The following PNPLA8 variants were observed in gnomAD, a reference collection of about 807,000 sequenced individuals.
PNPLA8 encodes patatin like domain 8, phospholipase A2.
In PNPLA8, 39 loss-of-function variants were observed where a neutral mutation model predicts 76.9. The observed-to-expected ratio is 0.51, with a 90% confidence interval of 0.39 to 0.66. The LOEUF (loss-of-function observed/expected upper bound fraction) is 0.66. Among genes scored for constraint, PNPLA8 ranks in the 30% least tolerant of loss-of-function variants. The pLI is 0.00. For missense variants in PNPLA8, 887 were observed against 918.0 expected, an observed-to-expected ratio of 0.97 and a Z score of 0.44; for synonymous variants, 301 against 307.9, an observed-to-expected ratio of 0.98 and a Z score of 0.24.
At chr7:108,481,128 T>C (rs748375967) in intron 9 of PNPLA8, among the ~76,000 whole-genome samples, 2 of 152,224 alleles carry the variant, frequency 1.3e-5, no homozygotes, top group Non-Finnish European at 2.9e-5. Flanking sequence ...ACCTCTGGGT[T>C]GTTTCCAGCA....
intron 5 of PNPLA8, 141 bp from the exon 6 acceptor site, chr7:108,497,718 A>C (rs1372253413): frequency 4.4e-6 from 2 of 452,562 alleles, no homozygotes; most frequent in Non-Finnish European, 3.8e-6. Flanking sequence ...AAATCAGTAA[A>C]AATTGCCTGT....
intron 1 of PNPLA8, among the ~76,000 whole-genome samples, chr7:108,523,893 C>T: frequency 6.6e-6 from 1 of 152,174 alleles, no homozygotes; most frequent in East Asian, 1.9e-4. Context: ...AAACACAGGA[C>T]TTGACAGCCA....
chr7:108,523,692 A>C (rs1294940206), intron 1 of PNPLA8, among the ~76,000 whole-genome samples: 1 of 152,128 alleles, frequency 6.6e-6, no homozygotes, highest in South Asian at 2.1e-4. Flanking sequence ...CTTCTGCAGC[A>C]CTCTTTCTAT....
At chr7:108,486,566 C>A (rs1860751316) in intron 9 of PNPLA8, among the ~76,000 whole-genome samples, 2 of 151,948 alleles carry the variant, frequency 1.3e-5, no homozygotes, top group African/African-American at 2.4e-5. Flanking sequence ...ATGGTTTGAA[C>A]TGACTCCAAA....
intron 9 of PNPLA8, among the ~76,000 whole-genome samples, chr7:108,483,141 T>C (rs1038732852): frequency 6.6e-6 from 1 of 152,248 alleles, no homozygotes; most frequent in African/African-American, 2.4e-5. Context: ...GTTGGATCAA[T>C]AAGATCACAT....
rs558110727 is a variant in PNPLA8 at position 108,471,344 on chromosome 7, A to C, written c.*1057T>G. 57 of 151,170 alleles carry C rather than the reference A, an allele frequency of 3.8e-4. 1 individual carries two copies. Among genetic ancestry groups the C allele is most frequent in the African/African-American group, 1.4e-3 (56 of 41,094 alleles). 9.4% of individuals were successfully genotyped at this position (151,170 alleles called of 1,614,324 possible). On this transcript the variant is annotated 3_prime_UTR_variant, in exon 11 of 11. Transcript: ENST00000257694. ...ATTCTCCTGCCTTAGCCTCCCGAGT[A>C]GCTGGGACTATAGGTGTGCACCACC...
chr7:108,474,701 G>A (rs962402394), intron 10 of PNPLA8, among the ~76,000 whole-genome samples: 1 of 152,122 alleles, frequency 6.6e-6, no homozygotes, highest in African/African-American at 2.4e-5. Context: ...CTTTCCCACT[G>A]AGTTACCTTA....
chr7:108,486,523 A>C (rs974177003), intron 9 of PNPLA8, among the ~76,000 whole-genome samples: 3 of 152,258 alleles, frequency 2.0e-5, no homozygotes, highest in African/African-American at 7.2e-5. Context: ...TGCCTTAAAT[A>C]ATTCAACAAT....
chr7:108,499,181 A>C (rs1254703925), intron 5 of PNPLA8, among the ~76,000 whole-genome samples: 3 of 152,222 alleles, frequency 2.0e-5, no homozygotes, highest in Non-Finnish European at 2.9e-5. Context: ...GTATATGTTC[A>C]CACAGAAAAA....
At chr7:108,506,976 C>G (rs1374919599) in intron 4 of PNPLA8, among the ~76,000 whole-genome samples, 5 of 151,868 alleles carry the variant, frequency 3.3e-5, no homozygotes, top group Non-Finnish European at 7.4e-5. Context: ...TTAATAAACC[C>G]AAAGGATGTA....
At position 108,479,310 on chromosome 7, in the gene PNPLA8, C is replaced by T. The variant is rs556854539; in HGVS notation, c.1948G>A (p.Val650Met). The stretch of plus-strand genomic sequence containing the variant: ...AGGGATACTATGCACTCTAACGGCA[C>T]ATCTGGCCAAAGACATTTACACTCA... Reference protein sequence around the residue: ...MHECKCLWPDVPLECIVSLGT... With the variant: ...MHECKCLWPDMPLECIVSLGT... The change falls in exon 10 of 11, where the codon GTG becomes ATG. Residue 650 changes from valine to methionine, a missense_variant. Val to Met is a conservative substitution (Grantham distance 21, BLOSUM62 1). Coordinates refer to ENST00000257694, the MANE Select transcript of PNPLA8 (RefSeq NM_001256007.3). 3 of 1,613,348 alleles carry T rather than the reference C, an allele frequency of 1.9e-6. No individual in the cohort carries two copies. The highest frequency in any genetic ancestry group is 2.2e-5 in the South Asian group (2 of 91,076).
intron 5 of PNPLA8, among the ~76,000 whole-genome samples, chr7:108,501,606 T>C (rs1449375325): frequency 6.6e-6 from 1 of 152,130 alleles, no homozygotes; most frequent in East Asian, 1.9e-4. Flanking sequence ...GTGGTTTACC[T>C]GAGGTCAGGA....
chr7:108,520,541 G>C (rs1863661917), intron 2 of PNPLA8, among the ~76,000 whole-genome samples: 1 of 152,106 alleles, frequency 6.6e-6, no homozygotes, highest in Admixed American at 6.6e-5. Context: ...TAGTACAGTA[G>C]GGGGACTATA....
At chr7:108,507,178 A>G (rs2154516247) in intron 4 of PNPLA8, among the ~76,000 whole-genome samples, 1 of 151,892 alleles carries the variant, frequency 6.6e-6, no homozygotes, top group Admixed American at 6.6e-5. Context: ...CCCCATCGCT[A>G]CTAAAGATAC....
chr7:108,502,386 T>C (rs1392442511), intron 5 of PNPLA8, 105 bp downstream of exon 5: 1 of 907,874 alleles, frequency 1.1e-6, no homozygotes, highest in Non-Finnish European at 1.6e-6. Context: ...GAGGTTGCAG[T>C]GAGCTGAGAT....
In PNPLA8 at chr7:108,515,420, C is replaced by G. The variant is rs1863265760; in HGVS notation, c.72G>C (p.Gln24His). ...LSNARSVCGK[Q>H]RSKQLYFLFS... is the part of the protein sequence containing the mutation. ...ACAAGAAATACAGTTGCTTGCTTCT[C>G]TGCTTCCCACAAACACTTCTTGCAT... is the stretch of plus-strand genomic sequence containing the variant. The change falls in exon 3 of 11, where the codon CAG (glutamine) becomes CAC (histidine). Residue 24 changes from glutamine to histidine, a missense_variant. Physicochemically the swap from Gln to His is conservative, Grantham distance 24 (BLOSUM62 0). Transcript: ENST00000257694. 2.5e-6 allele frequency: 4 copies of G among 1,609,668 alleles called. No individual in the cohort carries two copies. The highest frequency in any genetic ancestry group is 1.7e-4 in the Middle Eastern group (1 of 6,042).
At chr7:108,505,336 A>T (rs1563967910) in intron 4 of PNPLA8, among the ~76,000 whole-genome samples, 1 of 5,208 alleles carries the variant, frequency 1.9e-4, no homozygotes, top group East Asian at 0.016. Flanking sequence ...ATATATATAT[A>T]TATATATATA....
chr7:108,524,840 T>G (rs1052311173), intron 1 of PNPLA8, among the ~76,000 whole-genome samples: 1 of 152,120 alleles, frequency 6.6e-6, no homozygotes, highest in Non-Finnish European at 1.5e-5. Flanking sequence ...AAGGTGTCTA[T>G]GGCTCAGCAT....
intron 5 of PNPLA8, 146 bp from the exon 6 acceptor site, chr7:108,497,723 G>A (rs1285058990): frequency 4.5e-6 from 2 of 446,050 alleles, no homozygotes; most frequent in Non-Finnish European, 7.7e-6. Flanking sequence ...AGTAAAAATT[G>A]CCTGTCCAAA....
Sources: gnomAD v4.1 joint callset for allele counts (sites outside exome capture counted in the v4.1 genomes callset) on GRCh38, gnomAD v4.1.1 for gene constraint, MANE v1.5 for transcripts, NCBI Gene and HGNC (gene_info 2026-07-23, HGNC 2026-07-21) for gene names.